Variants in AK8 observed in about 807,000 individuals in gnomAD.
The protein encoded by AK8 is ATP-AMP transphosphorylase 8.
In AK8, 44 loss-of-function variants were observed where a neutral mutation model predicts 54.6. The ratio of observed to expected loss-of-function variants is 0.81; its 90% CI spans 0.63 to 1.04. The LOEUF (loss-of-function observed/expected upper bound fraction) is 1.04. Among genes scored for constraint, AK8 ranks in the 50% least tolerant of loss-of-function variants. The pLI, the probability that AK8 is intolerant of heterozygous loss-of-function variation, is 0.00. For synonymous variants in AK8, 239 were observed against 245.6 expected, an observed-to-expected ratio of 0.97 and a Z score of 0.25; for missense variants, 555 against 613.6, an observed-to-expected ratio of 0.90 and a Z score of 1.01.
At chr9:132,845,746 A>G (rs1307700548) in intron 5 of AK8, among the ~76,000 whole-genome samples, 2 of 146,704 alleles carry the variant, frequency 1.4e-5, no homozygotes, top group Non-Finnish European at 1.5e-5. Context: ...GCGCCACTGC[A>G]CTCCAGCCTG....
chr9:132,807,639 C>T (rs558178102), intron 10 of AK8, among the ~76,000 whole-genome samples: 1 of 152,216 alleles, frequency 6.6e-6, no homozygotes, highest in African/African-American at 2.4e-5. Flanking sequence ...CCACCATCAA[C>T]AGTCCCTGGA....
intron 10 of AK8, among the ~76,000 whole-genome samples, chr9:132,808,381 C>T (rs923358969): frequency 2.6e-5 from 4 of 152,256 alleles, no homozygotes. Flanking sequence ...AAGCATCTCC[C>T]CAGTCCTCTG....
At chr9:132,872,699 T>C (rs565965870) in intron 2 of AK8, among the ~76,000 whole-genome samples, 3 of 152,174 alleles carry the variant, frequency 2.0e-5, no homozygotes, top group African/African-American at 7.2e-5. Flanking sequence ...AGTGGTGCGA[T>C]CTCAGCTCAC....
chr9:132,865,425 G>T (rs1843548573), intron 3 of AK8, among the ~76,000 whole-genome samples: 1 of 152,210 alleles, frequency 6.6e-6, no homozygotes, highest in South Asian at 2.1e-4. Flanking sequence ...CAATGATGTG[G>T]TCACAGAGGA....
intron 11 of AK8, among the ~76,000 whole-genome samples, chr9:132,754,330 A>C (rs1020058836): frequency 6.6e-6 from 1 of 152,144 alleles, no homozygotes; most frequent in Admixed American, 6.5e-5. Flanking sequence ...CATAAATGGG[A>C]CCCATGATGG....
chr9:132,823,323 G>C lies in AK8; in HGVS notation c.771C>G (p.Val257=), dbSNP rs766335736. ...GGGCATTAGTACGATGGTTGCTTTG[G>C]ACATAGGTCAGAGCTGGAAAGAGAG... is the stretch of plus-strand genomic sequence containing the variant. ...VDVFYQALTY[V]QSNHRTNAPF... Residue 257 remains valine (V), a synonymous_variant, in exon 9 of 13, where the codon GTC becomes GTG. Transcript: ENST00000298545. 22 of 1,613,976 alleles carry C rather than the reference G, an allele frequency of 1.4e-5. No homozygotes were observed. The highest frequency in any genetic ancestry group is 3.3e-5 in the South Asian group (3 of 91,066).
rs1401627312 is a variant in AK8, at chr9:132,877,563, G to A, written c.84+609C>T. On this transcript the variant is annotated intron_variant, in intron 1 of 12. Transcript: ENST00000298545. The stretch of plus-strand genomic sequence containing the variant: ...GGAAAACTGGGGCCCTGGCGGGGAC[G>A]GGGCCTCGCCCAAAGTCACACGGTG... 4.6e-5 allele frequency among the ~76,000 whole-genome samples: 7 copies of A among 152,310 alleles called. No homozygotes were observed. The South Asian group carries it at 1.5e-3, about 32-fold the overall frequency.
chr9:132,775,065 T>G (rs1839151525), intron 11 of AK8, among the ~76,000 whole-genome samples: 1 of 152,270 alleles, frequency 6.6e-6, no homozygotes, highest in Non-Finnish European at 1.5e-5. Flanking sequence ...TGGAGAACAG[T>G]CATCCCTTTG....
At chr9:132,748,995 C>A (rs947092249) in intron 11 of AK8, among the ~76,000 whole-genome samples, 1 of 151,804 alleles carries the variant, frequency 6.6e-6, no homozygotes, top group Non-Finnish European at 1.5e-5. Flanking sequence ...TTGCCTCAGC[C>A]TCCTGAGTAG....
chr9:132,861,868 C>G (rs1162238055), intron 4 of AK8, among the ~76,000 whole-genome samples: 1 of 152,168 alleles, frequency 6.6e-6, no homozygotes, highest in Admixed American at 6.5e-5. Flanking sequence ...TTTGATGAGG[C>G]CTGACATCCA....
At chr9:132,811,389 CAG>C (rs1289959604) in intron 10 of AK8, among the ~76,000 whole-genome samples, 1 of 151,810 alleles carries the variant, frequency 6.6e-6, no homozygotes, top group Admixed American at 6.6e-5. Flanking sequence ...AAGCAGAAGT[CAG>C]AGAGAGAGAG....
chr9:132,868,654 G>T (rs1003968141), intron 2 of AK8, among the ~76,000 whole-genome samples: 2 of 152,208 alleles, frequency 1.3e-5, no homozygotes, highest in African/African-American at 4.8e-5. Context: ...CCCACAGGAA[G>T]AGAAGCTCCC....
intron 5 of AK8, among the ~76,000 whole-genome samples, chr9:132,829,568 C>G (rs1281809816): frequency 6.6e-6 from 1 of 151,224 alleles, no homozygotes; most frequent in Non-Finnish European, 1.5e-5. Context: ...ATTTTCTGCC[C>G]CATATATCTG....
intron 9 of AK8, among the ~76,000 whole-genome samples, chr9:132,815,937 C>G (rs1841308525): frequency 6.6e-6 from 1 of 152,232 alleles, no homozygotes. Flanking sequence ...AAATTACCAT[C>G]ACCAGGGATT....
chr9:132,829,010 G>A (rs1842000587), intron 5 of AK8, among the ~76,000 whole-genome samples: 1 of 149,642 alleles, frequency 6.7e-6, no homozygotes, highest in Admixed American at 6.7e-5. Flanking sequence ...AATCTGGAGT[G>A]CAATGGCACA....
At chr9:132,849,069 C>T (rs1398902377) in intron 5 of AK8, among the ~76,000 whole-genome samples, 9 of 151,794 alleles carry the variant, frequency 5.9e-5, no homozygotes, top group East Asian at 3.9e-4. Flanking sequence ...CCACCACGCC[C>T]GGCTAATTTT....
intron 11 of AK8, among the ~76,000 whole-genome samples, chr9:132,735,467 C>T (rs1176107283): frequency 4.6e-5 from 7 of 152,164 alleles, no homozygotes; most frequent in Admixed American, 3.9e-4. Context: ...CAATAAGCCT[C>T]CATGATTGCA....
At chr9:132,783,542 T>C (rs1171331066) in intron 11 of AK8, among the ~76,000 whole-genome samples, 1 of 144,038 alleles carries the variant, frequency 6.9e-6, no homozygotes, top group Non-Finnish European at 1.5e-5. Context: ...TTATAGGTGC[T>C]ACCAAAAAAT....
chr9:132,794,580 T>C (rs1840075538), intron 10 of AK8, among the ~76,000 whole-genome samples: 1 of 152,232 alleles, frequency 6.6e-6, no homozygotes, highest in South Asian at 2.1e-4. Context: ...TGATTCTTTC[T>C]TTAATGTCTG....
Sources: gnomAD v4.1 joint callset for allele counts (sites outside exome capture counted in the v4.1 genomes callset) on GRCh38, gnomAD v4.1.1 for gene constraint, MANE v1.5 for transcripts, NCBI Gene and HGNC (gene_info 2026-07-23, HGNC 2026-07-21) for gene names.